The following ZNF423 variants were observed in gnomAD, a reference collection of about 807,000 sequenced individuals.
The protein encoded by ZNF423 is zinc finger protein 423, also known as Ebf-associated zinc finger protein.
Under a neutral mutation model 95.8 loss-of-function variants are expected in ZNF423, and 12 were observed. The ratio of observed to expected loss-of-function variants is 0.13; its 90% CI spans 0.08 to 0.20. ZNF423 has a LOEUF of 0.20. Among genes scored for constraint, ZNF423 ranks in the 10% least tolerant of loss-of-function variants. The pLI, the probability that ZNF423 is intolerant of heterozygous loss-of-function variation, is 1.00. For missense variants in ZNF423, 1,316 were observed against 1,737.1 expected, an observed-to-expected ratio of 0.76 and a Z score of 4.31; for synonymous variants, 749 against 711.9, an observed-to-expected ratio of 1.05 and a Z score of -0.83.
intron 3 of ZNF423, among the ~76,000 whole-genome samples, chr16:49,720,042 G>T (rs2083542239): frequency 6.6e-6 from 1 of 152,124 alleles, no homozygotes. Context: ...CCAAGCCGCT[G>T]GTGGATGCCA....
rs551107868 is a variant in ZNF423 at position 49,811,256 on chromosome 16, C to T, written c.41-21710G>A. ...AGGTCTGCTTGGGGGTAGTGAGGCT[C>T]CCGGCATGGGAGGGGACCAAGCAGC... On this transcript the variant is annotated intron_variant, in intron 1 of 7. Coordinates refer to ENST00000563137, the MANE Select transcript of ZNF423 (RefSeq NM_001379286.1). Among the ~76,000 whole-genome samples, 8 of 152,192 alleles carry T rather than the reference C, an allele frequency of 5.3e-5. No individual in the cohort carries two copies. In the East Asian group the frequency reaches 1.2e-3, roughly 22 times the overall value.
At position 49,491,075 on chromosome 16, in the gene ZNF423, T is replaced by A. The variant is rs763735041; in HGVS notation, c.*200A>T. ...CTAGCTGTAGCAGGACAATAAAAAA[T>A]ACTGAGCATGGAATACTTTTAATCT... On this transcript the variant is annotated 3_prime_UTR_variant, in exon 8 of 8. Coordinates refer to ENST00000563137, the MANE Select transcript of ZNF423 (RefSeq NM_001379286.1). 1.4e-5 allele frequency: 9 copies of A among 623,904 alleles called. No homozygotes were observed. The highest frequency in any genetic ancestry group is 2.0e-5 in the Non-Finnish European group (7 of 352,890). The allele number at this position is 623,904 out of a possible 1,614,324, so 38.6% of individuals were successfully genotyped here. A position where few individuals can be genotyped will look rare whatever the true frequency, so the allele number is the denominator to read the frequency against.
intron 1 of ZNF423, among the ~76,000 whole-genome samples, chr16:49,845,035 C>CAAAAAAAAAA (rs71138011): frequency 5.5e-4 from 35 of 63,514 alleles, no homozygotes; most frequent in South Asian, 1.2e-3. Context: ...AACTCCATCT[C>CAAAAAAAAAA]AAAAAAAAAA....
intron 5 of ZNF423, among the ~76,000 whole-genome samples, chr16:49,574,660 T>A (rs2041000575): frequency 6.6e-6 from 1 of 152,098 alleles, no homozygotes; most frequent in South Asian, 2.1e-4. Flanking sequence ...TTCAAAGGCA[T>A]CCTTGAACCC....
chr16:49,718,175 C>T (rs1447490305), intron 3 of ZNF423, among the ~76,000 whole-genome samples: 2 of 152,200 alleles, frequency 1.3e-5, no homozygotes, highest in African/African-American at 4.8e-5. Context: ...AATCTCAGTA[C>T]TTTGGGAGGC....
At chr16:49,739,863 A>AT (rs930363987) in intron 2 of ZNF423, among the ~76,000 whole-genome samples, 2 of 148,250 alleles carry the variant, frequency 1.3e-5, no homozygotes, top group Non-Finnish European at 3.0e-5. Context: ...GACCCAGGTA[A>AT]TTTTTTTTCC....
chr16:49,822,001 C>A (rs1003956320), intron 1 of ZNF423, among the ~76,000 whole-genome samples: 1 of 152,150 alleles, frequency 6.6e-6, no homozygotes, highest in Non-Finnish European at 1.5e-5. Context: ...CATCCCTATC[C>A]TGCTAGAGGA....
rs779449144 is a variant in ZNF423 at position 49,638,260 on chromosome 16, T to G, written c.916A>C (p.Ile306Leu). 1 of 1,612,680 alleles carries G rather than the reference T, an allele frequency of 6.2e-7. No individual in the cohort carries two copies. Among genetic ancestry groups the G allele is most frequent in the East Asian group, 2.2e-5 (1 of 44,878 alleles). ...QLSEKADLQC[I>L]HCPEVFVDEN... is the part of the protein sequence containing the mutation. ...TCGACGAAGACCTCAGGGCAGTGAATGCACTGCAGGTCCGCCTTCTCGGAC... is the reference window on the plus strand; with the variant it reads ...TCGACGAAGACCTCAGGGCAGTGAAGGCACTGCAGGTCCGCCTTCTCGGAC... The change falls in exon 4 of 8, where the codon ATT becomes CTT. Residue 306 changes from isoleucine (I) to leucine (L), a missense_variant. By Grantham distance (5) the Ile-to-Leu change is conservative (BLOSUM62 2). Around this residue, in one of 6 missense-constraint regions of ZNF423, gnomAD observed 399 missense variants for 478.5 expected, o/e 0.83. Transcript: ENST00000563137. This position sits in a 1 kb window ranked among gnomAD's most constrained non-coding sequence, Gnocchi z 5.6.
intron 5 of ZNF423, among the ~76,000 whole-genome samples, chr16:49,551,601 A>C (rs990118880): frequency 1.6e-4 from 24 of 152,160 alleles, no homozygotes; most frequent in South Asian, 8.3e-4. Context: ...ACCAGGCGGG[A>C]GGTGGGTCAG....
chr16:49,651,357 C>T (rs1055764517), intron 3 of ZNF423, among the ~76,000 whole-genome samples: 1 of 152,090 alleles, frequency 6.6e-6, no homozygotes, highest in Non-Finnish European at 1.5e-5. Context: ...GAGAAGAAGG[C>T]CTGGGAGCAC....
chr16:49,763,057 G>A (rs1170388827), intron 2 of ZNF423, among the ~76,000 whole-genome samples: 1 of 151,822 alleles, frequency 6.6e-6, no homozygotes, highest in East Asian at 1.9e-4. Context: ...TAGTAGAGAT[G>A]GGGTCTTGCT....
intron 7 of ZNF423, among the ~76,000 whole-genome samples, chr16:49,520,598 G>T (rs1968357238): frequency 6.6e-6 from 1 of 152,170 alleles, no homozygotes; most frequent in South Asian, 2.1e-4. Context: ...CAAATACCAG[G>T]TGCCTGGAAT....
rs75544493 is a variant in ZNF423 at position 49,729,281 on chromosome 16, T to C, written c.301+1490A>G. Among the ~76,000 whole-genome samples, 953 of 152,360 alleles carry C rather than the reference T, an allele frequency of 6.3e-3. 8 individuals carry two copies. Among genetic ancestry groups the C allele is most frequent in the African/African-American group, 0.022 (909 of 41,584 alleles). On this transcript the variant is annotated intron_variant, in intron 3 of 7. Coordinates refer to ENST00000563137, the MANE Select transcript of ZNF423 (RefSeq NM_001379286.1). ...TAAGTGGCAATATTTTATTCTCTTA[T>C]AGTTAAGATTCCATGTTAATTCTTG...
At chr16:49,504,506 C>T (rs1648933957) in intron 7 of ZNF423, among the ~76,000 whole-genome samples, 2 of 152,142 alleles carry the variant, frequency 1.3e-5, no homozygotes, top group African/African-American at 2.4e-5. Flanking sequence ...CACTTGAACC[C>T]AGGAAGCGGA....
chr16:49,728,072 A>C (rs1470297348), intron 3 of ZNF423, among the ~76,000 whole-genome samples: 4 of 152,170 alleles, frequency 2.6e-5, no homozygotes, highest in Non-Finnish European at 5.9e-5. Context: ...TCAGTCTGAC[A>C]GGCCCCAGTA....
chr16:49,658,097 T>A (rs911713565), intron 3 of ZNF423, among the ~76,000 whole-genome samples: 2 of 152,150 alleles, frequency 1.3e-5, no homozygotes, highest in Non-Finnish European at 2.9e-5. Flanking sequence ...AAAATAAAGA[T>A]GTAATTGGGT....
At chr16:49,749,089 G>C (rs1300038555) in intron 2 of ZNF423, among the ~76,000 whole-genome samples, 2 of 152,166 alleles carry the variant, frequency 1.3e-5, no homozygotes, top group African/African-American at 4.8e-5. Flanking sequence ...AACAGCATAG[G>C]AGAGTAACCT....
intron 5 of ZNF423, among the ~76,000 whole-genome samples, chr16:49,543,203 A>G (rs745363607): frequency 1.3e-5 from 2 of 152,210 alleles, no homozygotes; most frequent in Non-Finnish European, 2.9e-5. Context: ...ATGAATCATA[A>G]AAGGGCTCAA....
chr16:49,654,841 C>G (rs8056304), intron 3 of ZNF423, among the ~76,000 whole-genome samples: 2 of 152,252 alleles, frequency 1.3e-5, no homozygotes, highest in African/African-American at 4.8e-5. Flanking sequence ...GCAGAGTCCA[C>G]GCTTAGCATT....
Sources: allele counts gnomAD v4.1 joint callset (sites outside exome capture counted in the v4.1 genomes callset), GRCh38; gene constraint gnomAD v4.1.1; regional missense constraint gnomAD v4.1.1; non-coding constraint Gnocchi (gnomAD v3.1); transcripts MANE v1.5; gene names NCBI Gene and HGNC (gene_info 2026-07-23, HGNC 2026-07-21).